The following DENND6B variants were observed in gnomAD, a reference collection of about 807,000 sequenced individuals.
DENND6B encodes the protein protein DENND6B.
A neutral mutation model predicts 85.1 loss-of-function variants in DENND6B; 73 were observed. That is an observed-to-expected ratio of 0.86 (90% CI 0.71 to 1.04). The LOEUF (loss-of-function observed/expected upper bound fraction) is 1.04, where lower values mean the gene tolerates loss of function less well. Among genes scored for constraint, DENND6B ranks in the 50% least tolerant of loss-of-function variants. The pLI, the probability that DENND6B is intolerant of heterozygous loss-of-function variation, is 0.00. For synonymous variants in DENND6B, 357 were observed against 329.3 expected (o/e 1.08, Z -0.91); for missense variants, 715 against 785.8 (o/e 0.91, Z 1.08).
At position 50,313,451 on chromosome 22, in the gene DENND6B, A is replaced by C. The variant is rs2068116974; in HGVS notation, c.1342T>G (p.Trp448Gly). The change falls in exon 16 of 20, where the codon TGG becomes GGG. Residue 448 changes from tryptophan to glycine, a missense_variant. Trp to Gly is a radical substitution (Grantham distance 184). Coordinates refer to ENST00000413817, the MANE Select transcript of DENND6B (RefSeq NM_001001794.4). Reference sequence around the variant, plus strand: ...AACCCCCACAGGACCCCCACCTTCCAGGGCGTGATGCTCTTCTGCAGGGGC... The same window carrying C: ...AACCCCCACAGGACCCCCACCTTCCCGGGCGTGATGCTCTTCTGCAGGGGC... Reference protein sequence around the residue: ...LMPLQKSITPWKTPPQIQPFS... With the variant: ...LMPLQKSITPGKTPPQIQPFS... 2.6e-6 allele frequency: 4 copies of C among 1,539,214 alleles called. No homozygotes were observed. Among genetic ancestry groups the C allele is most frequent in the Non-Finnish European group, 1.7e-6 (2 of 1,144,006 alleles).
intron 1 of DENND6B, chr22:50,319,326 G>A (rs2147783911): frequency 1.0e-6 from 1 of 985,336 alleles, no homozygotes; most frequent in Non-Finnish European, 1.2e-6. Flanking sequence ...CTGCCGGCCA[G>A]AGGCTTCTCT....
rs199924039 is a variant in DENND6B, at chr22:50,314,596, G to A, written c.977+9C>T. 332 of 1,558,862 alleles carry A rather than the reference G, an allele frequency of 2.1e-4. No individual in the cohort carries two copies. The highest frequency in any genetic ancestry group is 5.0e-4 in the Admixed American group (26 of 51,538). On this transcript the variant is annotated intron_variant, in intron 11 of 19. Transcript: ENST00000413817. ...CAAGGGCAAGAGGCGGGGCAGAGGC[G>A]GCACTTACGGGGCCTGCGTGCGTGT...
At chr22:50,324,699 C>T (rs2042144751) in intron 1 of DENND6B, among the ~76,000 whole-genome samples, 1 of 152,218 alleles carries the variant, frequency 6.6e-6, no homozygotes, top group Non-Finnish European at 1.5e-5. Flanking sequence ...GCTAGGATTA[C>T]AGGCGTGAGC....
At chr22:50,317,830 T>A in intron 4 of DENND6B, 78 bp downstream of exon 4, 1 of 1,421,280 alleles carries the variant, frequency 7.0e-7, no homozygotes, top group South Asian at 1.3e-5. Context: ...CTGAAGGGGC[T>A]TCTCCTACCA....
chr22:50,309,262 C>G lies in DENND6B; in HGVS notation c.*2877G>C, dbSNP rs1217214183. ...CTGTCCTTCGGGAGGCCTGTGACCA[C>G]AGCAGTCCTCACCCTCGCCAACTAA... On this transcript the variant is annotated 3_prime_UTR_variant, in exon 20 of 20. Transcript: ENST00000413817. 1 of 152,332 alleles carries G rather than the reference C, an allele frequency of 6.6e-6. No homozygotes were observed. The highest frequency in any genetic ancestry group is 2.4e-5 in the African/African-American group (1 of 41,450). The allele number at this position is 152,332 out of a possible 1,614,324, so 9.4% of individuals were successfully genotyped here.
At chr22:50,316,004 C>T (rs777597176) in intron 8 of DENND6B, 21 bp downstream of exon 8, 7 of 1,612,522 alleles carry the variant, frequency 4.3e-6, no homozygotes, top group Non-Finnish European at 5.1e-6. Context: ...GTTTCAGCTC[C>T]ACCTCCGCCT....
Position 50,316,456 on chromosome 22 carries a change from C to T in DENND6B, c.473G>A (p.Arg158His), listed in dbSNP as rs536300680. The T allele has an allele frequency of 4.2e-5, 66 of 1,583,230 alleles. No individual in the cohort carries two copies. The highest frequency in any genetic ancestry group is 2.0e-4 in the South Asian group (17 of 86,714). Residue 158 changes from arginine (R) to histidine (H), a missense_variant, in exon 6 of 20, where the codon CGC becomes CAC. Transcript: ENST00000413817. ...YFQKSLVLVS[R>H]LPFVRLFQAL... ...TTGGAACAGCCGGACAAAGGGCAAG[C>T]GGGACACCAGCACCAAAGACTGCAG...
In DENND6B at chr22:50,316,386, C is replaced by A; in HGVS notation, c.543G>T (p.Ala181=). The A allele has an allele frequency of 6.3e-7, 1 of 1,578,980 alleles. No individual in the cohort carries two copies. Among genetic ancestry groups the A allele is most frequent in the Non-Finnish European group, 8.6e-7 (1 of 1,164,194 alleles). The change falls in exon 6 of 20, where the codon GCG becomes GCT. Residue 181 remains alanine, a synonymous_variant. Transcript: ENST00000413817. ...GCCACTCACCTGCTTCCAGGCAGGGCGCCAGCTTGTCAAAGTACTCGGGGG... is the reference window on the plus strand; with the variant it reads ...GCCACTCACCTGCTTCCAGGCAGGGAGCCAGCTTGTCAAAGTACTCGGGGG... ...LIAPEYFDKL[A]PCLEAVCSEI...
chr22:50,321,093 C>T (rs1340721432), intron 1 of DENND6B, among the ~76,000 whole-genome samples: 1 of 152,206 alleles, frequency 6.6e-6, no homozygotes, highest in East Asian at 1.9e-4. Context: ...GCACAGGTCC[C>T]TGCTCCTGGT....
At position 50,313,517 on chromosome 22, in the gene DENND6B, G is replaced by A. The variant is rs2147766662; in HGVS notation, c.1294-18C>T. On this transcript the variant is annotated intron_variant, in intron 15 of 19. Transcript: ENST00000413817. Reference sequence around the variant, plus strand: ...TAGTGCTCCTGGGTGGGGAAGGGAGGGGAGTGAGCCCGGGGACCCATGCCC... The same window carrying A: ...TAGTGCTCCTGGGTGGGGAAGGGAGAGGAGTGAGCCCGGGGACCCATGCCC... 2 of 1,543,286 alleles carry A rather than the reference G, an allele frequency of 1.3e-6. No individual in the cohort carries two copies. Among genetic ancestry groups the A allele is most frequent in the Non-Finnish European group, 1.7e-6 (2 of 1,143,112 alleles).
chr22:50,321,795 T>C (rs548606499), intron 1 of DENND6B, among the ~76,000 whole-genome samples: 2 of 152,218 alleles, frequency 1.3e-5, no homozygotes, highest in Non-Finnish European at 2.9e-5. Flanking sequence ...GCCTCCTGAG[T>C]AGCTGGGACT....
rs753525636 is a variant in DENND6B at position 50,314,619 on chromosome 22, T to G, written c.963A>C (p.Thr321=). The part of the protein sequence containing the change: ...IHDSEFKEFT[T]RTQAPPNVVL... ...GCGGCACTTACGGGGCCTGCGTGCG[T>G]GTGGTGAACTCCTTGAACTCGCTGT... Residue 321 remains threonine (T), a synonymous_variant, in exon 11 of 20, where the codon ACA becomes ACC. Transcript: ENST00000413817. 1.9e-6 allele frequency: 3 copies of G among 1,563,626 alleles called. No homozygotes were observed. The highest frequency in any genetic ancestry group is 2.6e-6 in the Non-Finnish European group (3 of 1,154,516).
At chr22:50,319,699 C>T (rs1225741031) in intron 1 of DENND6B, among the ~76,000 whole-genome samples, 1 of 150,080 alleles carries the variant, frequency 6.7e-6, no homozygotes, top group Non-Finnish European at 1.5e-5. Context: ...CGTGCTGCTC[C>T]CCCAGCCTTT....
At chr22:50,316,822 CA>C in intron 5 of DENND6B, 1 of 1,153,180 alleles carries the variant, frequency 8.7e-7, no homozygotes, top group Non-Finnish European at 1.1e-6. Flanking sequence ...CTGACACTGA[CA>C]GTGTGATGAC....
rs1157044724 is a variant in DENND6B, at chr22:50,312,158, G to A, written c.1739C>T (p.Ala580Val). The A allele has an allele frequency of 6.8e-6, 11 of 1,612,444 alleles. No individual in the cohort carries two copies. The highest frequency in any genetic ancestry group is 4.4e-5 in the South Asian group (4 of 91,068). ...VIGSLPKDLQ[A>V]VLCPP ...TTTGTTCTAGGGAGGGCACAAGACAGCCTGCAGGTCTTTGGGCAGGGAGCC... is the reference window on the plus strand; with the variant it reads ...TTTGTTCTAGGGAGGGCACAAGACAACCTGCAGGTCTTTGGGCAGGGAGCC... Residue 580 changes from alanine to valine, a missense_variant, in exon 20 of 20, where the codon GCT (alanine) becomes GTT (valine). By Grantham distance (64) the Ala-to-Val change is moderately conservative. Transcript: ENST00000413817.
intron 1 of DENND6B, among the ~76,000 whole-genome samples, chr22:50,322,649 A>C (rs991520528): frequency 2.0e-5 from 3 of 152,008 alleles, no homozygotes; most frequent in Admixed American, 6.6e-5. Flanking sequence ...TCCCAGGTTC[A>C]AGCGATTCTC....
chr22:50,326,475 T>G (rs2042192358), intron 1 of DENND6B, among the ~76,000 whole-genome samples: 1 of 152,196 alleles, frequency 6.6e-6, no homozygotes, highest in Non-Finnish European at 1.5e-5. Flanking sequence ...AGCCCGGGAC[T>G]CTGGCGGGAG....
chr22:50,313,021 C>T lies in DENND6B; in HGVS notation c.1435G>A (p.Gly479Ser). 6.4e-7 allele frequency: 1 copy of T among 1,560,844 alleles called. No individual in the cohort carries two copies. Among genetic ancestry groups the T allele is most frequent in the Non-Finnish European group, 8.7e-7 (1 of 1,153,164 alleles). ...CACCTGTAGAGACCCAGCCAGTCGC[C>T]CTTGAGGATGCAGGTGAGCTGGGGC... is the stretch of plus-strand genomic sequence containing the variant. ...AGPQLTCILKGDWLGLYRRFF... is the reference protein window; with the variant it reads ...AGPQLTCILKSDWLGLYRRFF... Residue 479 changes from glycine to serine, a missense_variant, in exon 17 of 20, where the codon GGC becomes AGC. By Grantham distance (56) the Gly-to-Ser change is moderately conservative. Coordinates refer to ENST00000413817, the MANE Select transcript of DENND6B (RefSeq NM_001001794.4).
At chr22:50,323,701 C>A (rs1480061390) in intron 1 of DENND6B, among the ~76,000 whole-genome samples, 1 of 145,946 alleles carries the variant, frequency 6.9e-6, no homozygotes, top group Non-Finnish European at 1.5e-5. Flanking sequence ...GGATTACAGG[C>A]ATCAGCCAGC....
Sources: gnomAD v4.1 joint callset for allele counts (sites outside exome capture counted in the v4.1 genomes callset) on GRCh38, gnomAD v4.1.1 for gene constraint, MANE v1.5 for transcripts, NCBI Gene and HGNC (gene_info 2026-07-23, HGNC 2026-07-21) for gene names.